COA5: variants seen among roughly 807,000 people sequenced by gnomAD.
COA5 encodes cytochrome c oxidase assembly factor 5, also known as protein C2orf64.
A neutral mutation model predicts 11.8 loss-of-function variants in COA5; 11 were observed. The ratio of observed to expected loss-of-function variants is 0.93; its 90% CI spans 0.59 to 1.54. The LOEUF is 1.54. Among genes scored for constraint, COA5 ranks in the 40% most tolerant of loss-of-function variants. COA5 has a pLI of 0.00. For missense variants in COA5, 87 were observed against 89.2 expected, an observed-to-expected ratio of 0.97 and a Z score of 0.10; for synonymous variants, 38 against 37.5, an observed-to-expected ratio of 1.01 and a Z score of -0.05.
intron 1 of COA5, chr2:98,605,661 C>T (rs1170529799): frequency 6.6e-6 from 1 of 152,234 alleles, no homozygotes. Context: ...TCAGTGCTCT[C>T]AAACATGGCT....
In COA5 at chr2:98,601,140, G is replaced by C. The variant is rs182374803; in HGVS notation, c.184-347C>G. 4.0e-3 allele frequency among the ~76,000 whole-genome samples: 603 copies of C among 152,224 alleles called. 2 individuals carry two copies. Among genetic ancestry groups the C allele is most frequent in the Middle Eastern group, 0.02 (6 of 294 alleles). On this transcript the variant is annotated intron_variant, in intron 2 of 2. Coordinates refer to ENST00000328709, the MANE Select transcript of COA5 (RefSeq NM_001008215.3). ...TGCATCTGTAATCCCAGCTACTCAG[G>C]AGGCTGAGGCGGGAGAATTGCTCGA...
chr2:98,602,103 T>TA (rs1029525789), intron 2 of COA5, among the ~76,000 whole-genome samples: 2 of 151,992 alleles, frequency 1.3e-5, no homozygotes, highest in South Asian at 2.1e-4. Flanking sequence ...GCCATACTTT[T>TA]AAAAAAAAAT....
intron 1 of COA5, among the ~76,000 whole-genome samples, chr2:98,607,707 G>C (rs1371572062): frequency 6.6e-6 from 1 of 152,232 alleles, no homozygotes; most frequent in Non-Finnish European, 1.5e-5. Flanking sequence ...CATTCCAAGA[G>C]GGTGCTGAGG....
intron 1 of COA5, 129 bp from the exon 2 acceptor site, chr2:98,604,320 T>C: frequency 1.3e-6 from 1 of 752,186 alleles, no homozygotes; most frequent in South Asian, 1.6e-5. Flanking sequence ...ATGTAGGAAA[T>C]AGTTCTTAAT....
At chr2:98,602,648 CAAA>C (rs760690501) in intron 2 of COA5, 24 of 71,624 alleles carry the variant, frequency 3.4e-4, no homozygotes, top group South Asian at 1.4e-3. Context: ...GACTCCATCT[CAAA>C]AAAAAAAAAA....
chr2:98,608,344 AG>A lies in COA5; in HGVS notation c.61del (p.Leu21TrpfsTer22). 1 of 1,609,550 alleles carries A rather than the reference AG, an allele frequency of 6.2e-7. No homozygotes were observed. The highest frequency in any genetic ancestry group is 8.5e-7 in the Non-Finnish European group (1 of 1,178,736). ...GGACAGLKED[L>X]GACLLQSDCV... ...GTCCGACTGCAGCAGACACGCGCCC[AG>A]GTCCTCCTTCAGGCCCGCGCACGCG... is the stretch of plus-strand genomic sequence containing the variant. On this transcript the variant is annotated frameshift_variant, in exon 1 of 3. Coordinates refer to ENST00000328709, the MANE Select transcript of COA5 (RefSeq NM_001008215.3). LOFTEE classifies it high-confidence loss of function.
In COA5 at chr2:98,608,511, G is replaced by C. The variant is rs543588377; in HGVS notation, c.-106C>G. On this transcript the variant is annotated 5_prime_UTR_variant, in exon 1 of 3. Coordinates refer to ENST00000328709, the MANE Select transcript of COA5 (RefSeq NM_001008215.3). ...AGTCTCAGGGGACCGGAAGCCAGCG[G>C]CAACAACTTCCGGCGGGCCGCGGCG... is the stretch of plus-strand genomic sequence containing the variant. 5.6e-4 allele frequency: 505 copies of C among 894,562 alleles called. 5 individuals carry two copies. The African/African-American group carries it at 7.4e-3, about 13-fold the overall frequency. 55.4% of individuals were successfully genotyped at this position (894,562 alleles called of 1,614,324 possible).
rs1700679510 is a variant in COA5 at position 98,604,094 on chromosome 2, C to A, written c.183+14G>T. On this transcript the variant is annotated intron_variant, in intron 2 of 2. Transcript: ENST00000328709. Reference sequence around the variant, plus strand: ...ATTTTTAGCATAGGCTTTTAAAAATCTTTAACCACTTACCACTGATCTTTT... The same window carrying A: ...ATTTTTAGCATAGGCTTTTAAAAATATTTAACCACTTACCACTGATCTTTT... 3 of 1,604,906 alleles carry A rather than the reference C, an allele frequency of 1.9e-6. No individual in the cohort carries two copies. In the East Asian group the frequency reaches 6.7e-5, roughly 36 times the overall value.
At chr2:98,607,396 A>G (rs972738747) in intron 1 of COA5, among the ~76,000 whole-genome samples, 16 of 152,348 alleles carry the variant, frequency 1.1e-4, no homozygotes, top group East Asian at 7.7e-4. Context: ...TAAATTTATA[A>G]TAACTCAAGT....
chr2:98,602,102 T>C (rs1272895771), intron 2 of COA5, among the ~76,000 whole-genome samples: 1 of 152,124 alleles, frequency 6.6e-6, no homozygotes, highest in African/African-American at 2.4e-5. Flanking sequence ...AGCCATACTT[T>C]TAAAAAAAAA....
chr2:98,601,077 C>T (rs151053275), intron 2 of COA5, among the ~76,000 whole-genome samples: 14 of 152,132 alleles, frequency 9.2e-5, no homozygotes, highest in African/African-American at 3.4e-4. Context: ...AACCCCATCT[C>T]TACTAAAAAA....
At chr2:98,607,462 A>T (rs3754872) in intron 1 of COA5, among the ~76,000 whole-genome samples, 38,975 of 152,146 alleles carry the variant, frequency 0.26, 5,045 homozygotes, top group Middle Eastern at 0.35. Context: ...TGAACCAAAC[A>T]AATTGTGACT....
chr2:98,601,442 TTAAG>T, intron 2 of COA5, among the ~76,000 whole-genome samples: 1 of 152,344 alleles, frequency 6.6e-6, no homozygotes, highest in East Asian at 1.9e-4. Context: ...CTGAAAAATG[TTAAG>T]TAACACATTA....
In COA5 at chr2:98,603,316, T is replaced by TA. The variant is rs574735580; in HGVS notation, c.183+791dup. ...CAACATGGTGAAATCCCATCTCTAC[T>TA]AAAAAAATACAAAAATTAGCTGGGC... On this transcript the variant is annotated intron_variant, in intron 2 of 2. Transcript: ENST00000328709. Among the ~76,000 whole-genome samples the TA allele has an allele frequency of 6.6e-4, 101 of 151,896 alleles. 2 individuals are homozygous for TA. The East Asian group carries it at 0.01, about 15-fold the overall frequency.
chr2:98,602,884 G>A (rs1322028841), intron 2 of COA5, among the ~76,000 whole-genome samples: 3 of 152,180 alleles, frequency 2.0e-5, no homozygotes, highest in East Asian at 3.8e-4. Context: ...TACTGCACAC[G>A]CTTTGAAATT....
At chr2:98,605,122 C>T (rs965122944) in intron 1 of COA5, among the ~76,000 whole-genome samples, 1 of 152,210 alleles carries the variant, frequency 6.6e-6, no homozygotes, top group Non-Finnish European at 1.5e-5. Flanking sequence ...CATCTAGATA[C>T]ACTAAAGCTA....
Position 98,600,421 on chromosome 2 carries a change from C to CTAAT in COA5, c.*327_*330dup. 2.7e-6 allele frequency: 1 copy of CTAAT among 373,254 alleles called. No homozygotes were observed. The highest frequency in any genetic ancestry group is 5.1e-6 in the Non-Finnish European group (1 of 197,616). The allele number at this position is 373,254 out of a possible 1,614,324, so 23.1% of individuals were successfully genotyped here. A position where few individuals can be genotyped will look rare whatever the true frequency, so the allele number is the denominator to read the frequency against. On this transcript the variant is annotated 3_prime_UTR_variant, in exon 3 of 3. Coordinates refer to ENST00000328709, the MANE Select transcript of COA5 (RefSeq NM_001008215.3). ...GTGTCAGTCAAATCAGTGGCCTGTA[C>CTAAT]TAATTGGGTAATTCAATTGAAGAGT...
chr2:98,602,930 A>T (rs1193392981), intron 2 of COA5, among the ~76,000 whole-genome samples: 2 of 152,198 alleles, frequency 1.3e-5, no homozygotes, highest in Non-Finnish European at 2.9e-5. Flanking sequence ...TTACATGGGT[A>T]ACAAATCTAT....
At chr2:98,601,223 CAATAAATA>C (rs758730261) in intron 2 of COA5, among the ~76,000 whole-genome samples, 99 of 149,702 alleles carry the variant, frequency 6.6e-4, no homozygotes, top group African/African-American at 1.7e-3. Context: ...CCAGCCTGGG[CAATAAATA>C]AATAAATAAA....
Sources: gnomAD v4.1 joint callset for allele counts (sites outside exome capture counted in the v4.1 genomes callset) on GRCh38, gnomAD v4.1.1 for gene constraint, MANE v1.5 for transcripts, NCBI Gene and HGNC (gene_info 2026-07-23, HGNC 2026-07-21) for gene names.